ZC3H12C: variants seen among roughly 807,000 people sequenced by gnomAD.
The protein encoded by ZC3H12C is probable ribonuclease ZC3H12C.
In ZC3H12C, 20 loss-of-function variants were observed where a neutral mutation model predicts 76.3. The observed-to-expected ratio is 0.26, with a 90% CI of 0.18 to 0.38. The LOEUF (loss-of-function observed/expected upper bound fraction) is 0.38, where lower values mean the gene tolerates loss of function less well. Ranked by LOEUF, ZC3H12C falls within the 10% of genes least tolerant of loss-of-function variation. ZC3H12C has a pLI of 1.00. For missense variants in ZC3H12C, 874 were observed against 1,086.5 expected, an observed-to-expected ratio of 0.80 and a Z score of 2.75; for synonymous variants, 352 against 399.6, an observed-to-expected ratio of 0.88 and a Z score of 1.42.
intron 1 of ZC3H12C, among the ~76,000 whole-genome samples, chr11:110,094,633 AG>A (rs1481975955): frequency 1.3e-5 from 2 of 152,214 alleles, no homozygotes; most frequent in Non-Finnish European, 2.9e-5. Flanking sequence ...TTTTAGTAGC[AG>A]TTTCTTAAGT....
rs1862164967 is a variant in ZC3H12C at position 110,146,136 on chromosome 11, G to A, written c.774-6783G>A. On this transcript the variant is annotated intron_variant, in intron 2 of 5. Transcript: ENST00000278590. ...TGAGTAGCTGGGACCACAGGTGCCC[G>A]CCACCACGCCCGGCTAATTGTTTTT... is the stretch of plus-strand genomic sequence containing the variant. Among the ~76,000 whole-genome samples, 3 of 152,172 alleles carry A rather than the reference G, an allele frequency of 2.0e-5. No homozygotes were observed. In the South Asian group the frequency reaches 6.2e-4, roughly 32 times the overall value.
At chr11:110,128,051 G>A (rs1011910825) in intron 1 of ZC3H12C, among the ~76,000 whole-genome samples, 4 of 151,656 alleles carry the variant, frequency 2.6e-5, no homozygotes, top group Admixed American at 2.6e-4. Context: ...CTCTCAAATG[G>A]TTCAAGTTTC....
intron 3 of ZC3H12C, 102 bp downstream of exon 3, chr11:110,153,160 G>T: frequency 7.3e-7 from 1 of 1,368,106 alleles, no homozygotes; most frequent in Non-Finnish European, 9.8e-7. Context: ...CTTGCTCAGC[G>T]CAGGCAGTGG....
At position 110,151,675 on chromosome 11, in the gene ZC3H12C, G is replaced by A. The variant is rs565324288; in HGVS notation, c.774-1244G>A. The stretch of plus-strand genomic sequence containing the variant: ...TTGATGGTGCATTCACCAGGCTATC[G>A]GGTCACCCTTCTTACCTAGAAAATT... On this transcript the variant is annotated intron_variant, in intron 2 of 5. Transcript: ENST00000278590. 2.0e-5 allele frequency among the ~76,000 whole-genome samples: 3 copies of A among 152,028 alleles called. No homozygotes were observed. The South Asian group carries it at 6.3e-4, about 32-fold the overall frequency.
At chr11:110,151,135 G>T (rs1258050738) in intron 2 of ZC3H12C, among the ~76,000 whole-genome samples, 2 of 152,078 alleles carry the variant, frequency 1.3e-5, no homozygotes, top group East Asian at 3.8e-4. Flanking sequence ...GATCAGAATT[G>T]CATAGTACAG....
chr11:110,146,088 G>T (rs1408239691), intron 2 of ZC3H12C, among the ~76,000 whole-genome samples: 1 of 152,134 alleles, frequency 6.6e-6, no homozygotes, highest in African/African-American at 2.4e-5. Flanking sequence ...CCGGGTTCAT[G>T]CCATTCTCCT....
At chr11:110,139,869 C>CTTT (rs58867910) in intron 2 of ZC3H12C, among the ~76,000 whole-genome samples, 4,514 of 131,438 alleles carry the variant, frequency 0.034, 205 homozygotes, top group East Asian at 0.096. Context: ...CATATATTTT[C>CTTT]TTTTTTTTTT....
intron 1 of ZC3H12C, among the ~76,000 whole-genome samples, chr11:110,120,140 C>A (rs1861627837): frequency 6.6e-6 from 1 of 152,138 alleles, no homozygotes. Context: ...TTGCTTTGTT[C>A]TTACTGTAGC....
rs1798062073 is a variant in ZC3H12C at position 110,152,770 on chromosome 11, C to T, written c.774-149C>T. The T allele has an allele frequency of 1.0e-5, 8 of 798,106 alleles. No homozygotes were observed. In the South Asian group the frequency reaches 1.2e-4, roughly 12 times the overall value. 49.4% of individuals were successfully genotyped at this position (798,106 alleles called of 1,614,324 possible). ...ATCTTGATTTTCAACTTAGTTATCT[C>T]GATGTGTCTCTGATCTATAAACTCC... On this transcript the variant is annotated intron_variant, in intron 2 of 5. Transcript: ENST00000278590.
At chr11:110,117,904 CACATATATATT>C (rs1861572748) in intron 1 of ZC3H12C, among the ~76,000 whole-genome samples, 1 of 119,806 alleles carries the variant, frequency 8.3e-6, no homozygotes, top group African/African-American at 2.9e-5. Context: ...TATACACACA[CACATATATATT>C]ATATATATAC....
chr11:110,112,487 G>C (rs565815978), intron 1 of ZC3H12C, among the ~76,000 whole-genome samples: 1 of 152,152 alleles, frequency 6.6e-6, no homozygotes, highest in Non-Finnish European at 1.5e-5. Flanking sequence ...CACCACACCC[G>C]ATCCCTTTTG....
chr11:110,153,370 T>G (rs749291349), intron 3 of ZC3H12C, among the ~76,000 whole-genome samples: 2 of 152,120 alleles, frequency 1.3e-5, no homozygotes, highest in Admixed American at 6.5e-5. Flanking sequence ...GTATTTTTAG[T>G]AGAGACAGGA....
At chr11:110,129,848 C>T (rs1861827919) in intron 1 of ZC3H12C, among the ~76,000 whole-genome samples, 1 of 151,816 alleles carries the variant, frequency 6.6e-6, no homozygotes, top group Non-Finnish European at 1.5e-5. Context: ...AATCAGAGGC[C>T]ACTCCAAGTA....
At position 110,165,894 on chromosome 11, in the gene ZC3H12C, C is replaced by G. The variant is rs1355114959; in HGVS notation, c.*157C>G. The G allele has an allele frequency of 1.4e-6, 1 of 700,826 alleles. No individual in the cohort carries two copies. The highest frequency in any genetic ancestry group is 2.3e-6 in the Non-Finnish European group (1 of 442,078). 43.4% of individuals were successfully genotyped at this position (700,826 alleles called of 1,614,324 possible). A position where few individuals can be genotyped will look rare whatever the true frequency, so the allele number is the denominator to read the frequency against. On this transcript the variant is annotated 3_prime_UTR_variant, in exon 6 of 6. Transcript: ENST00000278590. ...GTATCATGGAATCTGTATGTATAGC[C>G]CCACATGGTGGAAGTATCACGGGAT... is the stretch of plus-strand genomic sequence containing the variant.
At chr11:110,157,495 C>T (rs990878006) in intron 3 of ZC3H12C, among the ~76,000 whole-genome samples, 4 of 145,312 alleles carry the variant, frequency 2.8e-5, no homozygotes, top group African/African-American at 7.7e-5. Context: ...AGAGCAGTGG[C>T]GTGATCTCGG....
chr11:110,146,836 G>T (rs962043259), intron 2 of ZC3H12C, among the ~76,000 whole-genome samples: 1 of 151,776 alleles, frequency 6.6e-6, no homozygotes, highest in Non-Finnish European at 1.5e-5. Context: ...TTTTACCTAC[G>T]CCTGAATTCC....
At chr11:110,144,041 ATAGAAG>A (rs1276879255) in intron 2 of ZC3H12C, among the ~76,000 whole-genome samples, 1 of 86,408 alleles carries the variant, frequency 1.2e-5, no homozygotes, top group East Asian at 3.3e-4. Context: ...AAGATGATAT[ATAGAAG>A]GTTATAGAAA....
chr11:110,140,746 T>C (rs1054295536), intron 2 of ZC3H12C, among the ~76,000 whole-genome samples: 4 of 152,218 alleles, frequency 2.6e-5, no homozygotes, highest in Non-Finnish European at 4.4e-5. Context: ...TTAAGATAAA[T>C]GTTTTGTTGG....
intron 1 of ZC3H12C, among the ~76,000 whole-genome samples, chr11:110,124,449 GA>G (rs1478925095): frequency 6.6e-6 from 1 of 152,134 alleles, no homozygotes; most frequent in Non-Finnish European, 1.5e-5. Flanking sequence ...ATGGGAGAAT[GA>G]ATGGTTCTGC....
Sources: gnomAD v4.1 joint callset for allele counts (sites outside exome capture counted in the v4.1 genomes callset) on GRCh38, gnomAD v4.1.1 for gene constraint, MANE v1.5 for transcripts, NCBI Gene and HGNC (gene_info 2026-07-23, HGNC 2026-07-21) for gene names.